Variants in NTRK3 observed in about 807,000 individuals in gnomAD.
NTRK3 encodes neurotrophic receptor tyrosine kinase 3.
NTRK3 carries 24 observed loss-of-function variants against 91.7 expected under a neutral mutation model. The ratio of observed to expected loss-of-function variants is 0.26; its 90% CI spans 0.19 to 0.37. NTRK3 has a LOEUF of 0.37. NTRK3 is among the 10% of genes least tolerant of loss of function. The pLI is 1.00. For synonymous variants in NTRK3, 483 were observed against 404.0 expected (o/e 1.20, Z -2.34); for missense variants, 880 against 1,068.9 (o/e 0.82, Z 2.46).
At chr15:88,156,511 A>T (rs2043917819) in intron 5 of NTRK3, among the ~76,000 whole-genome samples, 1 of 151,980 alleles carries the variant, frequency 6.6e-6, no homozygotes, top group African/African-American at 2.4e-5. Flanking sequence ...TACCTGGGAC[A>T]AAATGGCATC....
intron 5 of NTRK3, among the ~76,000 whole-genome samples, chr15:88,161,357 T>C (rs546928034): frequency 2.0e-5 from 3 of 152,292 alleles, no homozygotes; most frequent in South Asian, 4.1e-4. Context: ...GCAGAGTCTG[T>C]GCCCTTTACT....
intron 13 of NTRK3, among the ~76,000 whole-genome samples, chr15:88,050,050 T>A (rs565302201): frequency 2.4e-4 from 36 of 152,352 alleles, no homozygotes; most frequent in African/African-American, 7.9e-4. Context: ...ATAGTATCTT[T>A]GTTGAAGGCA....
At chr15:88,137,925 C>T (rs372685724) in intron 6 of NTRK3, among the ~76,000 whole-genome samples, 23 of 152,228 alleles carry the variant, frequency 1.5e-4, no homozygotes, top group African/African-American at 4.1e-4. Flanking sequence ...GTGGCGCACG[C>T]CTGTAGTCCC....
chr15:88,254,740 G>A (rs2053823993), intron 3 of NTRK3, among the ~76,000 whole-genome samples: 1 of 152,124 alleles, frequency 6.6e-6, no homozygotes. Flanking sequence ...TCCAGACCTT[G>A]GCCAGGACCT....
chr15:87,978,870 G>A, intron 14 of NTRK3: 1 of 263,068 alleles, frequency 3.8e-6, no homozygotes, highest in Non-Finnish European at 7.3e-6. Flanking sequence ...CCCACTGGAG[G>A]TTGCAGGGCG....
chr15:87,919,439 C>G (rs897400882), intron 17 of NTRK3, among the ~76,000 whole-genome samples: 1 of 152,324 alleles, frequency 6.6e-6, no homozygotes, highest in Admixed American at 6.5e-5. Context: ...ACGTCATCTT[C>G]TCTCCAGATT....
intron 17 of NTRK3, among the ~76,000 whole-genome samples, chr15:87,924,341 A>G (rs1015612795): frequency 1.3e-5 from 2 of 152,108 alleles, no homozygotes; most frequent in African/African-American, 4.8e-5. Flanking sequence ...AATGATTCCC[A>G]CTTCCTAAGG....
chr15:88,052,952 T>A (rs1234325415), intron 13 of NTRK3, among the ~76,000 whole-genome samples: 1 of 152,200 alleles, frequency 6.6e-6, no homozygotes, highest in African/African-American at 2.4e-5. Flanking sequence ...TTTAAATAAG[T>A]GGCTTAACTT....
intron 14 of NTRK3, among the ~76,000 whole-genome samples, chr15:87,986,457 C>A (rs1326198577): frequency 6.6e-6 from 1 of 152,234 alleles, no homozygotes; most frequent in African/African-American, 2.4e-5. Flanking sequence ...GAAGTAACCA[C>A]TGCTCTGAAA....
intron 13 of NTRK3, among the ~76,000 whole-genome samples, chr15:88,041,824 T>TA (rs35696268): frequency 0.48 from 43,353 of 90,248 alleles, 10,500 homozygotes; most frequent in East Asian, 0.74. Context: ...AAGTCCCTCA[T>TA]AAAAAAAAAA....
chr15:88,148,650 C>T (rs1459621669), intron 5 of NTRK3, among the ~76,000 whole-genome samples: 1 of 152,114 alleles, frequency 6.6e-6, no homozygotes, highest in Non-Finnish European at 1.5e-5. Flanking sequence ...GCCACACTTG[C>T]TGGCCATGGG....
At chr15:88,082,277 C>CAAA (rs1218706062) in intron 13 of NTRK3, among the ~76,000 whole-genome samples, 3 of 70,082 alleles carry the variant, frequency 4.3e-5, no homozygotes, top group Admixed American at 1.7e-4. Context: ...GACTCTGTCT[C>CAAA]AAAAAAAAAA....
intron 13 of NTRK3, among the ~76,000 whole-genome samples, chr15:88,054,975 A>G (rs922317077): frequency 2.0e-5 from 3 of 152,160 alleles, no homozygotes; most frequent in Non-Finnish European, 4.4e-5. Flanking sequence ...GCAGGTAGAA[A>G]TTAACAGAGC....
chr15:88,047,168 A>G (rs1318502785), intron 13 of NTRK3, among the ~76,000 whole-genome samples: 2 of 152,192 alleles, frequency 1.3e-5, no homozygotes, highest in African/African-American at 4.8e-5. Flanking sequence ...CCTGAACAAG[A>G]ATGTGTATGA....
chr15:87,872,383 A>G, exon 19 of NTRK3: 1 of 225,646 alleles, frequency 4.4e-6, no homozygotes, highest in Non-Finnish European at 8.8e-6. Context: ...TTTGGTGAAT[A>G]GTCTGCAACT....
At chr15:88,179,223 T>C (rs954387311) in intron 5 of NTRK3, among the ~76,000 whole-genome samples, 1 of 152,254 alleles carries the variant, frequency 6.6e-6, no homozygotes, top group Non-Finnish European at 1.5e-5. Context: ...CCAGCAGTTT[T>C]ATGTGGTTTT....
chr15:88,196,312 T>C (rs1470295215), intron 3 of NTRK3, among the ~76,000 whole-genome samples: 1 of 152,086 alleles, frequency 6.6e-6, no homozygotes, highest in Non-Finnish European at 1.5e-5. Context: ...AAGATCACAT[T>C]TGTGATGCCT....
intron 11 of NTRK3, among the ~76,000 whole-genome samples, chr15:88,127,781 C>G (rs962410410): frequency 1.3e-5 from 2 of 152,162 alleles, no homozygotes; most frequent in Non-Finnish European, 2.9e-5. Flanking sequence ...TTTCAGAACA[C>G]AAGGGCAGCT....
chr15:88,011,140 G>A (rs1372567682), intron 14 of NTRK3, among the ~76,000 whole-genome samples: 1 of 151,872 alleles, frequency 6.6e-6, no homozygotes, highest in Non-Finnish European at 1.5e-5. Context: ...CATCATGACT[G>A]GATCCCACCC....
Sources: allele counts gnomAD v4.1 joint callset (sites outside exome capture counted in the v4.1 genomes callset), GRCh38; gene constraint gnomAD v4.1.1; transcripts MANE v1.5; gene names NCBI Gene and HGNC (gene_info 2026-07-23, HGNC 2026-07-21).